TOGARAM1: variants seen among roughly 807,000 people sequenced by gnomAD.
The protein encoded by TOGARAM1 is TOG array regulator of axonemal microtubules protein 1.
TOGARAM1 carries 100 observed loss-of-function variants against 166.6 expected under a neutral mutation model. The observed-to-expected ratio is 0.60, with a 90% CI of 0.51 to 0.71. TOGARAM1 has a LOEUF of 0.71. TOGARAM1 is among the 30% of genes least tolerant of loss of function. TOGARAM1 has a pLI of 0.00. For synonymous variants in TOGARAM1, 758 were observed against 763.8 expected, an observed-to-expected ratio of 0.99 and a Z score of 0.13; for missense variants, 2,029 against 2,102.7, an observed-to-expected ratio of 0.96 and a Z score of 0.69.
intron 14 of TOGARAM1, among the ~76,000 whole-genome samples, chr14:45,051,716 C>T (rs1043566684): frequency 1.3e-5 from 2 of 152,016 alleles, no homozygotes; most frequent in African/African-American, 4.8e-5. Context: ...CACGCCAACA[C>T]ATCTGGCTAA....
intron 1 of TOGARAM1, among the ~76,000 whole-genome samples, chr14:44,975,727 A>C (rs1211800016): frequency 6.7e-6 from 1 of 148,508 alleles, no homozygotes; most frequent in East Asian, 2.0e-4. Context: ...TCAGCCTCCC[A>C]AAGTGCTGGG....
At chr14:45,040,546 G>C (rs1881674180) in intron 11 of TOGARAM1, among the ~76,000 whole-genome samples, 2 of 151,604 alleles carry the variant, frequency 1.3e-5, no homozygotes, top group South Asian at 4.1e-4. Context: ...TAAGCCTCTA[G>C]TCAGATTGAC....
In TOGARAM1 at chr14:44,965,024, C is replaced by G. The variant is rs180787004; in HGVS notation, c.2046+557C>G. 2.1e-4 allele frequency among the ~76,000 whole-genome samples: 31 copies of G among 149,730 alleles called. No individual in the cohort carries two copies. In the East Asian group the frequency reaches 6.1e-3, roughly 29 times the overall value. Reference sequence around the variant, plus strand: ...GATACAACATTTGAACTGAGATTTTCCCCCCAAAGCTTTTATTTAAAAAAT... The same window carrying G: ...GATACAACATTTGAACTGAGATTTTGCCCCCAAAGCTTTTATTTAAAAAAT... On this transcript the variant is annotated intron_variant, in intron 1 of 19. Coordinates refer to ENST00000361462, the MANE Select transcript of TOGARAM1 (RefSeq NM_001308120.2).
intron 1 of TOGARAM1, among the ~76,000 whole-genome samples, chr14:44,991,048 C>T (rs1449859743): frequency 6.7e-6 from 1 of 148,766 alleles, no homozygotes; most frequent in African/African-American, 2.5e-5. Flanking sequence ...CAGCCTCGAC[C>T]CCCAGGCTCA....
chr14:45,024,125 G>T (rs1163428110), intron 7 of TOGARAM1, among the ~76,000 whole-genome samples: 1 of 152,022 alleles, frequency 6.6e-6, no homozygotes, highest in Non-Finnish European at 1.5e-5. Context: ...TTCTCTTCAT[G>T]CACTGTGCTC....
At chr14:44,971,629 G>A (rs1885889213) in intron 1 of TOGARAM1, among the ~76,000 whole-genome samples, 1 of 152,032 alleles carries the variant, frequency 6.6e-6, no homozygotes, top group African/African-American at 2.4e-5. Flanking sequence ...TTCCTAGGAT[G>A]TGCACTTAGA....
Position 44,983,393 on chromosome 14 carries a change from G to C in TOGARAM1, c.2047-12353G>C, listed in dbSNP as rs894296280. On this transcript the variant is annotated intron_variant, in intron 1 of 19. Coordinates refer to ENST00000361462, the MANE Select transcript of TOGARAM1 (RefSeq NM_001308120.2). ...CAAAAGAAAGGAAGATATGAGTTTAGTGCAGTGTTTATCAAATTTTAATAT... is the reference window on the plus strand; with the variant it reads ...CAAAAGAAAGGAAGATATGAGTTTACTGCAGTGTTTATCAAATTTTAATAT... 3.3e-5 allele frequency among the ~76,000 whole-genome samples: 5 copies of C among 152,294 alleles called. No individual in the cohort carries two copies. The East Asian group carries it at 9.6e-4, about 29-fold the overall frequency.
In TOGARAM1 at chr14:45,039,370, C is replaced by G. The variant is rs1434462648; in HGVS notation, c.3813-4316C>G. Among the ~76,000 whole-genome samples the G allele has an allele frequency of 3.3e-5, 5 of 152,166 alleles. No individual in the cohort carries two copies. In the East Asian group the frequency reaches 9.7e-4, roughly 29 times the overall value. ...GTCTGTGGAACTAGCAGCCCACTCC[C>G]ACAAGCTTCAGTCTGTCCCTGGCTT... On this transcript the variant is annotated intron_variant, in intron 11 of 19. Transcript: ENST00000361462.
intron 5 of TOGARAM1, chr14:45,007,970 T>G (rs1402016828): frequency 4.6e-5 from 7 of 152,336 alleles, no homozygotes; most frequent in African/African-American, 1.7e-4. Flanking sequence ...CACCTAACTT[T>G]ATGTTCATTA....
intron 10 of TOGARAM1, 61 bp downstream of exon 10, chr14:45,028,390 T>G (rs1880982582): frequency 6.6e-7 from 1 of 1,508,478 alleles, no homozygotes; most frequent in Non-Finnish European, 9.0e-7. Flanking sequence ...GCTGGTGAAA[T>G]GAGGTTTCAC....
chr14:45,026,835 C>CCAAAA (rs756285900), intron 8 of TOGARAM1, among the ~76,000 whole-genome samples: 11 of 139,666 alleles, frequency 7.9e-5, no homozygotes, highest in African/African-American at 2.4e-4. Flanking sequence ...CCATCTCTAC[C>CCAAAA]AAAAAAAAAA....
At chr14:44,999,977 CTTATT>C (rs1221257889) in intron 3 of TOGARAM1, among the ~76,000 whole-genome samples, 1 of 151,974 alleles carries the variant, frequency 6.6e-6, no homozygotes, top group African/African-American at 2.4e-5. Flanking sequence ...CTTACTCCTT[CTTATT>C]TTATTTTATT....
chr14:45,035,442 A>G (rs893116126), intron 11 of TOGARAM1, among the ~76,000 whole-genome samples: 4 of 152,180 alleles, frequency 2.6e-5, no homozygotes, highest in African/African-American at 9.6e-5. Context: ...TTGTGGGACA[A>G]CTTCAAGTTA....
chr14:45,008,599 G>A (rs1477829535), intron 5 of TOGARAM1, among the ~76,000 whole-genome samples: 1 of 152,102 alleles, frequency 6.6e-6, no homozygotes, highest in Non-Finnish European at 1.5e-5. Flanking sequence ...CTGATTCAAT[G>A]ATTCATTTAT....
intron 2 of TOGARAM1, 42 bp downstream of exon 2, chr14:44,995,944 A>G (rs1381849883): frequency 6.6e-7 from 1 of 1,515,670 alleles, no homozygotes; most frequent in African/African-American, 1.4e-5. Context: ...GAACTAACAG[A>G]CTTCTCTTAA....
chr14:45,003,552 CT>C, intron 3 of TOGARAM1, among the ~76,000 whole-genome samples: 1 of 151,866 alleles, frequency 6.6e-6, no homozygotes, highest in Non-Finnish European at 1.5e-5. Flanking sequence ...TTGAAGTGAT[CT>C]TTTTAAGAGC....
intron 1 of TOGARAM1, among the ~76,000 whole-genome samples, chr14:44,972,314 G>A (rs1885931436): frequency 6.6e-6 from 1 of 151,950 alleles, no homozygotes; most frequent in Non-Finnish European, 1.5e-5. Flanking sequence ...CTTTGTTAGT[G>A]TTCCATGTGA....
intron 7 of TOGARAM1, among the ~76,000 whole-genome samples, chr14:45,016,153 T>C (rs569681340): frequency 7.2e-5 from 11 of 152,122 alleles, no homozygotes; most frequent in Non-Finnish European, 1.3e-4. Flanking sequence ...CCCAGGACTT[T>C]AGTAGGCTGA....
At chr14:45,004,488 A>T (rs1411889251) in intron 4 of TOGARAM1, 122 bp downstream of exon 4, 1 of 710,694 alleles carries the variant, frequency 1.4e-6, no homozygotes, top group Non-Finnish European at 2.3e-6. Flanking sequence ...AATTTAGTAA[A>T]TATTTAGGAA....
Sources: allele counts gnomAD v4.1 joint callset (sites outside exome capture counted in the v4.1 genomes callset), GRCh38; gene constraint gnomAD v4.1.1; transcripts MANE v1.5; gene names NCBI Gene and HGNC (gene_info 2026-07-23, HGNC 2026-07-21).